The following GTF3C2 variants were observed in gnomAD, a reference collection of about 807,000 sequenced individuals.
GTF3C2 encodes general transcription factor IIIC subunit 2, also known as general transcription factor 3C polypeptide 2.
Under a neutral mutation model 117.4 loss-of-function variants are expected in GTF3C2, and 17 were observed. The ratio of observed to expected loss-of-function variants is 0.14; its 90% CI spans 0.10 to 0.22. The LOEUF (loss-of-function observed/expected upper bound fraction) is 0.22, where lower values mean the gene tolerates loss of function less well. Among genes scored for constraint, GTF3C2 ranks in the 10% least tolerant of loss-of-function variants. The pLI is 1.00. For synonymous variants in GTF3C2, 437 were observed against 427.0 expected (o/e 1.02, Z -0.29); for missense variants, 888 against 1,143.6 (o/e 0.78, Z 3.22).
intron 4 of GTF3C2, among the ~76,000 whole-genome samples, chr2:27,339,119 A>G (rs1448061760): frequency 6.6e-6 from 1 of 152,142 alleles, no homozygotes; most frequent in Non-Finnish European, 1.5e-5. Flanking sequence ...AGTTGAAAAA[A>G]TCAGTAAAGC....
chr2:27,342,121 G>C lies in GTF3C2; in HGVS notation c.682C>G (p.Arg228Gly), dbSNP rs199745999. 6 of 1,614,124 alleles carry C rather than the reference G, an allele frequency of 3.7e-6. No individual in the cohort carries two copies. In the Admixed American group the frequency reaches 5.0e-5, roughly 13 times the overall value. The change falls in exon 4 of 19, where the codon CGG (arginine) becomes GGG (glycine). Residue 228 changes from arginine to glycine, a missense_variant. By Grantham distance (125) the Arg-to-Gly change is moderately radical (BLOSUM62 -2). Transcript: ENST00000264720. ...CCACCTGGACAGGCTGCTGGCTGCC[G>C]GATCTTCTTCGGTTTGGTGGGGCTG...
intron 3 of GTF3C2, 84 bp downstream of exon 3, chr2:27,342,742 A>C: frequency 9.8e-7 from 1 of 1,022,032 alleles, no homozygotes; most frequent in East Asian, 2.4e-5. Context: ...CTAATACCTC[A>C]TCAGTCTTCT....
In GTF3C2 at chr2:27,343,338, G is replaced by A. The variant is rs1218401286; in HGVS notation, c.217C>T (p.Gln73Ter). 6.2e-7 allele frequency: 1 copy of A among 1,613,982 alleles called. No homozygotes were observed. Residue 73 changes from glutamine to a stop codon, truncating the protein, a stop_gained, in exon 2 of 19, where the codon CAG becomes TAG. Coordinates refer to ENST00000264720, the Ensembl canonical transcript of GTF3C2. LOFTEE classifies it high-confidence loss of function. ...TGTTCCAGTCTGGAGAGGCTTTCCT[G>A]CTCTGGAGGGAGCCTCCTCTGATCA...
intron 1 of GTF3C2, among the ~76,000 whole-genome samples, chr2:27,353,993 G>A (rs1681233424): frequency 6.7e-6 from 1 of 148,616 alleles, no homozygotes; most frequent in Non-Finnish European, 1.5e-5. Flanking sequence ...AAAGTGCTAG[G>A]ATTACAGGTT....
chr2:27,352,333 T>C (rs1479782682), intron 1 of GTF3C2, among the ~76,000 whole-genome samples: 19 of 152,186 alleles, frequency 1.2e-4, no homozygotes, highest in Non-Finnish European at 1.5e-5. Flanking sequence ...ATCCCGATTC[T>C]CTGCAGATGA....
At chr2:27,337,149 G>A in intron 7 of GTF3C2, 95 bp downstream of exon 7, 1 of 715,904 alleles carries the variant, frequency 1.4e-6, no homozygotes. Context: ...CAGCATCAGG[G>A]GAAGGACAGG....
intron 16 of GTF3C2, 106 bp downstream of exon 16, chr2:27,328,362 G>C: frequency 8.2e-7 from 1 of 1,214,648 alleles, no homozygotes; most frequent in Non-Finnish European, 1.2e-6. Flanking sequence ...AAGATTTTCT[G>C]GGATATCAGG....
chr2:27,355,678 G>T (rs1681345699), intron 1 of GTF3C2, among the ~76,000 whole-genome samples: 1 of 152,132 alleles, frequency 6.6e-6, no homozygotes, highest in Non-Finnish European at 1.5e-5. Flanking sequence ...TGCTGCTCCA[G>T]GATGCCAGCT....
Position 27,329,633 on chromosome 2 carries a change from C to G in GTF3C2, c.1733-110G>C. On this transcript the variant is annotated intron_variant, in intron 12 of 18. Transcript: ENST00000264720. The surrounding 1 kb of genome is among the most constrained non-coding windows in gnomAD (Gnocchi z 4.5). Reference sequence around the variant, plus strand: ...TTGTCTTCTACCCTCAGATCCAAACCACTATGAAAGGATGTGGGGATCCTG... The same window carrying G: ...TTGTCTTCTACCCTCAGATCCAAACGACTATGAAAGGATGTGGGGATCCTG... 1 of 1,010,660 alleles carries G rather than the reference C, an allele frequency of 9.9e-7. No individual in the cohort carries two copies. Among genetic ancestry groups the G allele is most frequent in the Non-Finnish European group, 1.5e-6 (1 of 673,120 alleles). 62.6% of individuals were successfully genotyped at this position (1,010,660 alleles called of 1,614,324 possible).
chr2:27,326,467 T>G (rs1049836), exon 19 of GTF3C2: 1 of 595,724 alleles, frequency 1.7e-6, no homozygotes, highest in Non-Finnish European at 3.0e-6. Flanking sequence ...TGAGAGTTGG[T>G]GGAGGGAGAG....
At chr2:27,355,895 GC>G (rs893550117) in intron 1 of GTF3C2, among the ~76,000 whole-genome samples, 4 of 152,118 alleles carry the variant, frequency 2.6e-5, no homozygotes, top group African/African-American at 9.7e-5. Flanking sequence ...ATTATAAGTA[GC>G]CCATGAAACC....
chr2:27,343,500 T>C (rs767299084), exon 2 of GTF3C2: 6 of 1,613,994 alleles, frequency 3.7e-6, no homozygotes, highest in Non-Finnish European at 5.1e-6. Flanking sequence ...ACAGTCATGT[T>C]CCCCACGGGG....
chr2:27,346,330 C>CT lies in GTF3C2; in HGVS notation c.-24-2753dup, dbSNP rs144256545. On this transcript the variant is annotated intron_variant, in intron 1 of 18. Coordinates refer to ENST00000264720, the Ensembl canonical transcript of GTF3C2. Reference sequence around the variant, plus strand: ...TTAGCCACCGTGCCCATTCTGATACCTTTTTTTTTTTTTTTTTTTTTTTTT... The same window carrying CT: ...TTAGCCACCGTGCCCATTCTGATACCTTTTTTTTTTTTTTTTTTTTTTTTTT... 8.9e-4 allele frequency among the ~76,000 whole-genome samples: 57 copies of CT among 64,354 alleles called. 8 individuals are homozygous for CT. The highest frequency in any genetic ancestry group is 1.2e-3 in the Non-Finnish European group (42 of 34,580). 42.2% of individuals were successfully genotyped at this position (64,354 alleles called of 152,430 possible).
At chr2:27,355,559 C>T (rs1482117181) in intron 1 of GTF3C2, among the ~76,000 whole-genome samples, 1 of 151,860 alleles carries the variant, frequency 6.6e-6, no homozygotes, top group Non-Finnish European at 1.5e-5. Context: ...AAGGCAGCAG[C>T]AGGATGTAAT....
rs1680217162 is a variant in GTF3C2, at chr2:27,329,794, G to GA, written c.1733-272dup. ...TGATAGGGTGAACACACCTAGTGCA[G>GA]AGAGTAGAATGCACCTCTCTCTACT... On this transcript the variant is annotated intron_variant, in intron 12 of 18. Coordinates refer to ENST00000264720, the Ensembl canonical transcript of GTF3C2. The surrounding 1 kb of genome is among the most constrained non-coding windows in gnomAD (Gnocchi z 4.5). Among the ~76,000 whole-genome samples, 1 of 151,702 alleles carries GA rather than the reference G, an allele frequency of 6.6e-6. No homozygotes were observed.
chr2:27,355,193 T>C (rs1316516079), intron 1 of GTF3C2, among the ~76,000 whole-genome samples: 1 of 152,212 alleles, frequency 6.6e-6, no homozygotes, highest in African/African-American at 2.4e-5. Context: ...TTCTATATAT[T>C]GGACATCCAT....
At chr2:27,344,380 A>T (rs1327254051) in intron 1 of GTF3C2, among the ~76,000 whole-genome samples, 1 of 152,182 alleles carries the variant, frequency 6.6e-6, no homozygotes, top group Non-Finnish European at 1.5e-5. Context: ...ACTAAGTGCT[A>T]TACATACATT....
At position 27,336,072 on chromosome 2, in the gene GTF3C2, A is replaced by G. The variant is rs200450889; in HGVS notation, c.1356-44T>C. 3.5e-4 allele frequency: 500 copies of G among 1,444,390 alleles called. No individual in the cohort carries two copies. The African/African-American group carries it at 6.4e-3, about 19-fold the overall frequency. The allele number at this position is 1,444,390 out of a possible 1,614,324, so 89.5% of individuals were successfully genotyped here. A position where few individuals can be genotyped will look rare whatever the true frequency, so the allele number is the denominator to read the frequency against. On this transcript the variant is annotated intron_variant, in intron 8 of 18. Transcript: ENST00000264720. ...TGGGGATGGTGGGTAGGAAGAAGGG[A>G]CGCAGGGCTGCCAGAGGTAAGCTCC...
exon 19 of GTF3C2, chr2:27,326,432 G>A (rs1558609805): frequency 5.2e-6 from 3 of 581,204 alleles, no homozygotes; most frequent in African/African-American, 1.9e-5. Flanking sequence ...TTTCTCATGA[G>A]CCATAGTCTT....
Sources: gnomAD v4.1 joint callset for allele counts (sites outside exome capture counted in the v4.1 genomes callset) on GRCh38, gnomAD v4.1.1 for gene constraint, Gnocchi (gnomAD v3.1) non-coding constraint, MANE v1.5 for transcripts, NCBI Gene and HGNC (gene_info 2026-07-23, HGNC 2026-07-21) for gene names.